Variants in KCNH7 observed in about 807,000 individuals in gnomAD.
KCNH7 encodes voltage-gated inwardly rectifying potassium channel KCNH7.
In KCNH7, 49 loss-of-function variants were observed where a neutral mutation model predicts 120.8. That is an observed-to-expected ratio of 0.41 (90% confidence interval 0.32 to 0.51). The LOEUF (loss-of-function observed/expected upper bound fraction) is 0.51, where lower values mean the gene tolerates loss of function less well. Among genes scored for constraint, KCNH7 ranks in the 20% least tolerant of loss-of-function variants. The probability of loss-of-function intolerance (pLI) is 0.38; values close to 1 mark genes in which losing one functional copy is unlikely to be tolerated. For missense variants in KCNH7, 1,097 were observed against 1,446.6 expected, an observed-to-expected ratio of 0.76 and a Z score of 3.92; for synonymous variants, 547 against 516.1, an observed-to-expected ratio of 1.06 and a Z score of -0.81.
chr2:162,689,170 G>T (rs1686011491), intron 2 of KCNH7, among the ~76,000 whole-genome samples: 1 of 126,908 alleles, frequency 7.9e-6, no homozygotes, highest in Non-Finnish European at 1.7e-5. Context: ...ATTATTATTT[G>T]AGATGGAGTT....
intron 6 of KCNH7, among the ~76,000 whole-genome samples, chr2:162,491,230 T>C (rs1447918684): frequency 2.0e-5 from 3 of 152,236 alleles, no homozygotes; most frequent in Admixed American, 2.0e-4. Context: ...GAAACACATT[T>C]GCATAGAGCT....
intron 2 of KCNH7, among the ~76,000 whole-genome samples, chr2:162,720,496 A>G (rs1007348972): frequency 1.3e-5 from 2 of 151,956 alleles, no homozygotes; most frequent in African/African-American, 4.8e-5. Flanking sequence ...AAAAATCTAC[A>G]TATGTATATC....
At chr2:162,582,291 T>C (rs1442875640) in intron 2 of KCNH7, among the ~76,000 whole-genome samples, 1 of 152,092 alleles carries the variant, frequency 6.6e-6, no homozygotes, top group Non-Finnish European at 1.5e-5. Context: ...GAAGAGGGTT[T>C]TCTGGAGTCC....
intron 3 of KCNH7, among the ~76,000 whole-genome samples, chr2:162,523,187 T>C (rs1691591040): frequency 1.3e-5 from 2 of 151,860 alleles, no homozygotes. Context: ...AATATCTACA[T>C]GAGAATCTAA....
At chr2:162,611,900 A>G (rs1159880090) in intron 2 of KCNH7, among the ~76,000 whole-genome samples, 1 of 152,166 alleles carries the variant, frequency 6.6e-6, no homozygotes, top group Non-Finnish European at 1.5e-5. Context: ...AAGAGGCAGA[A>G]ATTGAGTTGT....
chr2:162,602,608 T>G (rs1468054539), intron 2 of KCNH7, among the ~76,000 whole-genome samples: 2 of 152,088 alleles, frequency 1.3e-5, no homozygotes, highest in East Asian at 3.9e-4. Context: ...CTTCACTTTA[T>G]TCAGGTCTCT....
At chr2:162,463,812 T>TA (rs769466935) in intron 6 of KCNH7, among the ~76,000 whole-genome samples, 1,813 of 132,832 alleles carry the variant, frequency 0.014, 51 homozygotes, top group East Asian at 0.089. Flanking sequence ...AACAAAAAAG[T>TA]AAAAAAAAAA....
At chr2:162,386,475 T>C (rs920922984) in intron 12 of KCNH7, among the ~76,000 whole-genome samples, 1 of 151,896 alleles carries the variant, frequency 6.6e-6, no homozygotes, top group Non-Finnish European at 1.5e-5. Flanking sequence ...AGTTTCATTT[T>C]TCTAAATTAT....
intron 6 of KCNH7, among the ~76,000 whole-genome samples, chr2:162,488,133 G>C (rs1056401448): frequency 5.3e-5 from 8 of 152,296 alleles, no homozygotes; most frequent in Admixed American, 3.3e-4. Context: ...GGTGAAGAAA[G>C]ACCTGAGCCA....
chr2:162,635,961 T>A (rs1683942506), intron 2 of KCNH7, among the ~76,000 whole-genome samples: 2 of 152,050 alleles, frequency 1.3e-5, no homozygotes, highest in South Asian at 4.1e-4. Flanking sequence ...TAATTCTTTT[T>A]CTCACTTTAC....
chr2:162,418,895 T>A (rs566778102), intron 9 of KCNH7, among the ~76,000 whole-genome samples: 1 of 152,240 alleles, frequency 6.6e-6, no homozygotes, highest in South Asian at 2.1e-4. Flanking sequence ...TAGGGTCCAT[T>A]ACAGGTCTAT....
intron 2 of KCNH7, among the ~76,000 whole-genome samples, chr2:162,597,051 G>A (rs913490116): frequency 7.9e-5 from 12 of 152,044 alleles, no homozygotes; most frequent in Admixed American, 5.2e-4. Context: ...TAAAATAAGC[G>A]TTTGTGAGGA....
chr2:162,444,318 A>G (rs1359863831), intron 7 of KCNH7, among the ~76,000 whole-genome samples: 1 of 152,174 alleles, frequency 6.6e-6, no homozygotes, highest in Non-Finnish European at 1.5e-5. Context: ...CTAACAAAAA[A>G]TTTTTGAATA....
At chr2:162,482,430 G>T (rs1689960199) in intron 6 of KCNH7, among the ~76,000 whole-genome samples, 1 of 152,014 alleles carries the variant, frequency 6.6e-6, no homozygotes, top group Non-Finnish European at 1.5e-5. Context: ...AATGTCTTCT[G>T]TGGTGTGTGT....
At chr2:162,798,852 A>G (rs555922722) in intron 2 of KCNH7, among the ~76,000 whole-genome samples, 67 of 152,130 alleles carry the variant, frequency 4.4e-4, no homozygotes, top group African/African-American at 1.5e-3. Flanking sequence ...ATGAATGAAA[A>G]GCGACCCCCA....
chr2:162,491,411 C>T (rs139331504), intron 6 of KCNH7, among the ~76,000 whole-genome samples: 79 of 152,260 alleles, frequency 5.2e-4, no homozygotes, highest in Middle Eastern at 3.4e-3. Flanking sequence ...CCCCAATTCA[C>T]GGGACTCCCT....
intron 2 of KCNH7, among the ~76,000 whole-genome samples, chr2:162,760,508 G>C (rs558761493): frequency 9.9e-5 from 15 of 152,136 alleles, no homozygotes; most frequent in Non-Finnish European, 1.2e-4. Context: ...TCTATGCCTT[G>C]TAGGTTTTAA....
intron 2 of KCNH7, among the ~76,000 whole-genome samples, chr2:162,600,173 A>G (rs1694505374): frequency 6.6e-6 from 1 of 152,116 alleles, no homozygotes; most frequent in Non-Finnish European, 1.5e-5. Context: ...TAATCTCTGC[A>G]GAACACCACC....
chr2:162,567,825 A>G (rs900533764), intron 2 of KCNH7, among the ~76,000 whole-genome samples: 5 of 152,060 alleles, frequency 3.3e-5, no homozygotes, highest in African/African-American at 1.2e-4. Context: ...CAATGTTTCC[A>G]TCAATGAAAG....
Sources: allele counts gnomAD v4.1 joint callset (sites outside exome capture counted in the v4.1 genomes callset), GRCh38; gene constraint gnomAD v4.1.1; transcripts MANE v1.5; gene names NCBI Gene and HGNC (gene_info 2026-07-23, HGNC 2026-07-21).